PLEKHD1: variants seen among roughly 807,000 people sequenced by gnomAD.
PLEKHD1 encodes the protein pleckstrin homology and coiled-coil domain containing D1.
PLEKHD1 carries 51 observed loss-of-function variants against 69.2 expected under a neutral mutation model. That is an observed-to-expected ratio of 0.74 (90% CI 0.59 to 0.93). The LOEUF (loss-of-function observed/expected upper bound fraction) is 0.93. Among genes scored for constraint, PLEKHD1 ranks in the 40% least tolerant of loss-of-function variants. PLEKHD1 has a pLI of 0.00. For synonymous variants in PLEKHD1, 236 were observed against 244.7 expected (o/e 0.96, Z 0.33); for missense variants, 584 against 641.0 (o/e 0.91, Z 0.96).
chr14:69,477,858 A>G, the PLEKHD1 span, among the ~76,000 whole-genome samples: 50 of 152,178 alleles, frequency 3.3e-4, no homozygotes, highest in Non-Finnish European at 8.8e-5. Context: ...GAGTATCTGA[A>G]GCTTTTCCTG....
At chr14:69,518,972 T>G (rs1173234663) in intron 6 of PLEKHD1, among the ~76,000 whole-genome samples, 1 of 152,014 alleles carries the variant, frequency 6.6e-6, no homozygotes, top group Non-Finnish European at 1.5e-5. Context: ...GACAGGGACA[T>G]GCAGGCTTCC....
At position 69,527,289 on chromosome 14, in the gene PLEKHD1, G is replaced by A. The variant is rs2139535000; in HGVS notation, c.1158G>A (p.Lys386=). The A allele has an allele frequency of 6.4e-7, 1 of 1,551,828 alleles. No individual in the cohort carries two copies. The highest frequency in any genetic ancestry group is 1.2e-5 in the South Asian group (1 of 84,066). Residue 386 remains lysine (K), a synonymous_variant, in exon 11 of 13, where the codon AAG becomes AAA. Coordinates refer to ENST00000322564, the MANE Select transcript of PLEKHD1 (RefSeq NM_001161498.2). The part of the protein sequence containing the change: ...EQGLNSKVRN[K]EKEERMRADV... The stretch of plus-strand genomic sequence containing the variant: ...GGCTGAATTCCAAGGTGCGGAATAA[G>A]GAGAAGGAGGAGAGGATGCGGGCTG...
chr14:69,516,268 T>A (rs1369435689), intron 6 of PLEKHD1, among the ~76,000 whole-genome samples: 1 of 152,234 alleles, frequency 6.6e-6, no homozygotes, highest in Non-Finnish European at 1.5e-5. Flanking sequence ...ATGCTCTTTG[T>A]AGAAAACTTG....
At chr14:69,494,138 T>C (rs1882835382) in intron 1 of PLEKHD1, among the ~76,000 whole-genome samples, 1 of 152,226 alleles carries the variant, frequency 6.6e-6, no homozygotes, top group Non-Finnish European at 1.5e-5. Context: ...ATAAAAGTAA[T>C]CATTTATTAA....
rs1180971456 is a variant in PLEKHD1, at chr14:69,485,107, T to C, written c.142T>C (p.Ser48Pro). The change falls in exon 1 of 13, where the codon TCC becomes CCC. Residue 48 changes from serine to proline, a missense_variant. Transcript: ENST00000322564. The part of the protein sequence containing the change: ...RPFGRPSAKW[S>P]RRFFIIKESF... ...TTTCGGCAGGCCGTCGGCCAAGTGGTCCCGGCGGTGAGTGCGCCCCCGCGC... is the reference window on the plus strand; with the variant it reads ...TTTCGGCAGGCCGTCGGCCAAGTGGCCCCGGCGGTGAGTGCGCCCCCGCGC... The C allele has an allele frequency of 8.4e-6, 13 of 1,549,658 alleles. No individual in the cohort carries two copies. The highest frequency in any genetic ancestry group is 1.1e-5 in the Non-Finnish European group (13 of 1,146,190).
the PLEKHD1 span, among the ~76,000 whole-genome samples, chr14:69,469,771 G>T: frequency 4.6e-5 from 7 of 152,060 alleles, no homozygotes; most frequent in African/African-American, 1.4e-4. Flanking sequence ...GCACAGGCTG[G>T]AGCGCAGTGG....
At chr14:69,472,323 A>G in the PLEKHD1 span, among the ~76,000 whole-genome samples, 1 of 152,202 alleles carries the variant, frequency 6.6e-6, no homozygotes, top group Non-Finnish European at 1.5e-5. Flanking sequence ...TGTAAGAAGT[A>G]AGCAACCTTG....
intron 1 of PLEKHD1, among the ~76,000 whole-genome samples, chr14:69,490,892 G>T (rs1720598072): frequency 6.6e-6 from 1 of 152,156 alleles, no homozygotes; most frequent in African/African-American, 2.4e-5. Context: ...AGAGGAGGGA[G>T]ACTGGCTGCT....
In PLEKHD1 at chr14:69,524,324, T is replaced by C. The variant is rs1883590044; in HGVS notation, c.744+2T>C. The C allele has an allele frequency of 3.2e-6, 5 of 1,550,272 alleles. No homozygotes were observed. Among genetic ancestry groups the C allele is most frequent in the Non-Finnish European group, 3.5e-6 (4 of 1,146,272 alleles). On this transcript the variant is annotated splice_donor_variant, in intron 8 of 12. Coordinates refer to ENST00000322564, the MANE Select transcript of PLEKHD1 (RefSeq NM_001161498.2). LOFTEE classifies it high-confidence loss of function. The stretch of plus-strand genomic sequence containing the variant: ...GAGTCCTTGCAGCAGACACTGGAGG[T>C]GAGGGGCTGCTGGTGGGTTAGTTGA...
chr14:69,479,595 C>G, the PLEKHD1 span, among the ~76,000 whole-genome samples: 1 of 151,946 alleles, frequency 6.6e-6, no homozygotes, highest in Admixed American at 6.6e-5. Flanking sequence ...TCGCTTGAGC[C>G]TAGGAGTTAG....
Position 69,528,638 on chromosome 14 carries a change from A to G in PLEKHD1, c.*219A>G. 3.2e-6 allele frequency: 2 copies of G among 622,626 alleles called. No individual in the cohort carries two copies. The highest frequency in any genetic ancestry group is 2.0e-5 in the South Asian group (1 of 49,570). 38.6% of individuals were successfully genotyped at this position (622,626 alleles called of 1,614,324 possible). A position where few individuals can be genotyped will look rare whatever the true frequency, so the allele number is the denominator to read the frequency against. ...CACACCCCACCTTTGGGTCCACACCAGGGCCATGCAGGCCTGAGCTGGGTG... is the reference window on the plus strand; with the variant it reads ...CACACCCCACCTTTGGGTCCACACCGGGGCCATGCAGGCCTGAGCTGGGTG... On this transcript the variant is annotated 3_prime_UTR_variant, in exon 13 of 13. Coordinates refer to ENST00000322564, the MANE Select transcript of PLEKHD1 (RefSeq NM_001161498.2).
At chr14:69,484,249 C>T (rs1349870465), upstream of PLEKHD1, among the ~76,000 whole-genome samples, 1 of 152,248 alleles carries the variant, frequency 6.6e-6, no homozygotes, top group Admixed American at 6.5e-5. Context: ...ATCGCCACTT[C>T]ACTGGGGAGA....
rs1290772587 is a variant in PLEKHD1, at chr14:69,484,920, C to T, written c.-46C>T. ...CCTCTCGCCCCGAGTCCCTGCTGAC[C>T]CCGGGGAGGTGGGGTCCGGGCCGGG... On this transcript the variant is annotated 5_prime_UTR_variant, in exon 1 of 13. Transcript: ENST00000322564. 4 of 1,539,532 alleles carry T rather than the reference C, an allele frequency of 2.6e-6. No individual in the cohort carries two copies. The Middle Eastern group carries it at 5.1e-4, about 198-fold the overall frequency.
upstream of PLEKHD1, among the ~76,000 whole-genome samples, chr14:69,482,970 G>A (rs546160612): frequency 3.3e-5 from 5 of 152,160 alleles, no homozygotes; most frequent in South Asian, 1.0e-3. Context: ...CCTAAAGTGG[G>A]AAGATTTCCA....
intron 5 of PLEKHD1, 125 bp downstream of exon 5, chr14:69,501,950 C>T: frequency 8.4e-6 from 7 of 836,846 alleles, no homozygotes; most frequent in Non-Finnish European, 1.3e-5. Flanking sequence ...GGAACAGAGA[C>T]CAGTTTGGCA....
upstream of PLEKHD1, among the ~76,000 whole-genome samples, chr14:69,480,734 C>T (rs1882527046): frequency 6.6e-6 from 1 of 152,108 alleles, no homozygotes; most frequent in African/African-American, 2.4e-5. Context: ...CTTACTGCAA[C>T]CTCTGCCTCC....
intron 12 of PLEKHD1, 116 bp from the exon 13 acceptor site, chr14:69,528,134 C>A: frequency 7.0e-7 from 1 of 1,423,682 alleles, no homozygotes; most frequent in Non-Finnish European, 9.5e-7. Context: ...TGGGAAGGGG[C>A]TGGAAGAAGC....
chr14:69,501,815 G>A lies in PLEKHD1; in HGVS notation c.492G>A (p.Gln164=), dbSNP rs1883032337. 7 of 1,550,978 alleles carry A rather than the reference G, an allele frequency of 4.5e-6. No individual in the cohort carries two copies. The highest frequency in any genetic ancestry group is 1.2e-5 in the South Asian group (1 of 84,006). ...AQGLQLAKEK[Q]EYLDKLMEET... ...GGCTGCAGTTGGCTAAGGAAAAGCA[G>A]GAGTATTTAGGTTGGCTGGAGGGGT... The change falls in exon 5 of 13, where the codon CAG becomes CAA. Residue 164 remains glutamine (Q), a synonymous_variant. Transcript: ENST00000322564.
At chr14:69,502,964 T>C in intron 6 of PLEKHD1, 85 bp downstream of exon 6, 1 of 1,489,144 alleles carries the variant, frequency 6.7e-7, no homozygotes, top group African/African-American at 1.4e-5. Context: ...GGGAGCTGGG[T>C]GCACAGAGGA....
Sources: gnomAD v4.1 joint callset for allele counts (sites outside exome capture counted in the v4.1 genomes callset) on GRCh38, gnomAD v4.1.1 for gene constraint, MANE v1.5 for transcripts, NCBI Gene and HGNC (gene_info 2026-07-23, HGNC 2026-07-21) for gene names.